PRKACA: variants seen among roughly 807,000 people sequenced by gnomAD.
PRKACA encodes protein kinase cAMP-activated catalytic subunit alpha.
In PRKACA, 9 loss-of-function variants were observed where a neutral mutation model predicts 45.8. That is an observed-to-expected ratio of 0.20 (90% confidence interval 0.12 to 0.34). The LOEUF (loss-of-function observed/expected upper bound fraction) is 0.34, where lower values mean the gene tolerates loss of function less well. Among genes scored for constraint, PRKACA ranks in the 10% least tolerant of loss-of-function variants. The pLI, the probability that PRKACA is intolerant of heterozygous loss-of-function variation, is 1.00. For missense variants in PRKACA, 238 were observed against 458.6 expected (o/e 0.52, Z 4.39); for synonymous variants, 160 against 178.6 (o/e 0.90, Z 0.83).
At position 14,092,983 on chromosome 19, in the gene PRKACA, G is replaced by T; in HGVS notation, c.*129C>A. 8.2e-7 allele frequency: 1 copy of T among 1,216,398 alleles called. No individual in the cohort carries two copies. Among genetic ancestry groups the T allele is most frequent in the East Asian group, 2.6e-5 (1 of 39,060 alleles). 75.4% of individuals were successfully genotyped at this position (1,216,398 alleles called of 1,614,324 possible). ...TTCCTGCTCCCCCTAACCCTGGAGG[G>T]TGGGGTGGGGGTGAAATTAGATGCA... On this transcript the variant is annotated 3_prime_UTR_variant, in exon 10 of 10. Transcript: ENST00000308677.
chr19:14,093,820 G>A (rs1178559196), intron 8 of PRKACA, 28 bp from the exon 9 acceptor site: 1 of 1,594,156 alleles, frequency 6.3e-7, no homozygotes, highest in South Asian at 1.1e-5. Context: ...AGGACAGGGT[G>A]GGAAGCTGGT....
chr19:14,100,861 C>T lies in PRKACA; in HGVS notation c.384G>A (p.Glu128=). 2.5e-6 allele frequency: 4 copies of T among 1,614,158 alleles called. No individual in the cohort carries two copies. The South Asian group carries it at 4.4e-5, about 18-fold the overall frequency. Reference sequence around the variant, plus strand: ...CGATCCGCCGTAGGTGTGAGAACATCTCCCCGCCGGGCACGTACTCCATGA... The same window carrying T: ...CGATCCGCCGTAGGTGTGAGAACATTTCCCCGCCGGGCACGTACTCCATGA... ...YMVMEYVPGG[E]MFSHLRRIGR... The change falls in exon 5 of 10, where the codon GAG becomes GAA. Residue 128 remains glutamate, a synonymous_variant. Coordinates refer to ENST00000308677, the MANE Select transcript of PRKACA (RefSeq NM_002730.4).
intron 3 of PRKACA, among the ~76,000 whole-genome samples, chr19:14,103,805 C>A (rs1486116337): frequency 6.6e-6 from 1 of 152,216 alleles, no homozygotes; most frequent in Non-Finnish European, 1.5e-5. Context: ...GTGGCTCACG[C>A]CCGTAATCCC....
rs1977285950 is a variant in PRKACA at position 14,097,239 on chromosome 19, T to G, written c.765+122A>C. Reference sequence around the variant, plus strand: ...GGCCGGCGCGTCCAGCTTCACCACCTGGCCTGACTTAAGGAACTTCTAGAT... The same window carrying G: ...GGCCGGCGCGTCCAGCTTCACCACCGGGCCTGACTTAAGGAACTTCTAGAT... On this transcript the variant is annotated intron_variant, in intron 8 of 9. Coordinates refer to ENST00000308677, the MANE Select transcript of PRKACA (RefSeq NM_002730.4). The surrounding 1 kb of genome is among the most constrained non-coding windows in gnomAD (Gnocchi z 5.4). The G allele has an allele frequency of 1.3e-6, 2 of 1,502,066 alleles. No individual in the cohort carries two copies. Among genetic ancestry groups the G allele is most frequent in the South Asian group, 2.3e-5 (2 of 86,488 alleles). 93.0% of individuals were successfully genotyped at this position (1,502,066 alleles called of 1,614,324 possible).
intron 5 of PRKACA, chr19:14,098,237 C>A (rs865785638): frequency 3.1e-4 from 61 of 196,998 alleles, no homozygotes; most frequent in Non-Finnish European, 5.8e-4. Context: ...TATATCATGT[C>A]CACGCCCAGA....
At chr19:14,113,649 C>G (rs1323659865) in intron 1 of PRKACA, among the ~76,000 whole-genome samples, 3 of 152,198 alleles carry the variant, frequency 2.0e-5, no homozygotes, top group African/African-American at 7.2e-5. Flanking sequence ...CTTTTGAAAT[C>G]TGGCTGTCCT....
chr19:14,102,963 G>C, intron 3 of PRKACA, 49 bp from the exon 4 acceptor site: 13 of 1,384,906 alleles, frequency 9.4e-6, no homozygotes, highest in Non-Finnish European at 1.2e-5. Context: ...GGTGAGAGGG[G>C]CCTCATTTCC....
At chr19:14,102,141 GC>G (rs1977460392) in intron 4 of PRKACA, among the ~76,000 whole-genome samples, 2 of 152,310 alleles carry the variant, frequency 1.3e-5, no homozygotes, top group South Asian at 4.1e-4. Context: ...TCCAGCCTGA[GC>G]AACAGAGTGA....
rs867359932 is a variant in PRKACA at position 14,117,616 on chromosome 19, C to T, written c.-69G>A. 4.1e-5 allele frequency: 38 copies of T among 927,696 alleles called. No individual in the cohort carries two copies. In the African/African-American group the frequency reaches 5.6e-4, roughly 14 times the overall value. 57.5% of individuals were successfully genotyped at this position (927,696 alleles called of 1,614,324 possible). ...CGGGTGCTGGCTGCGGCCGGCGGCC[C>T]CGGAGCGCGCTGGGCGGCGGCGGCG... On this transcript the variant is annotated 5_prime_UTR_variant, in exon 1 of 10. Coordinates refer to ENST00000308677, the MANE Select transcript of PRKACA (RefSeq NM_002730.4).
rs1336064683 is a variant in PRKACA, at chr19:14,093,081, AAAG to A, written c.*28_*30del. 2.0e-6 allele frequency: 3 copies of A among 1,492,572 alleles called. No individual in the cohort carries two copies. The highest frequency in any genetic ancestry group is 2.4e-5 in the East Asian group (1 of 42,548). The allele number at this position is 1,492,572 out of a possible 1,614,324, so 92.5% of individuals were successfully genotyped here. ...CCGACCAAAAAAAAGAAAAAAGAAA[AAAG>A]AAAACCCATGGGGGCACAGGCATGC... On this transcript the variant is annotated 3_prime_UTR_variant, in exon 10 of 10. Coordinates refer to ENST00000308677, the MANE Select transcript of PRKACA (RefSeq NM_002730.4).
chr19:14,105,149 T>C (rs749272592), intron 3 of PRKACA, among the ~76,000 whole-genome samples: 28 of 152,328 alleles, frequency 1.8e-4, no homozygotes, highest in Non-Finnish European at 2.2e-4. Flanking sequence ...GTAAAATGTT[T>C]CATTAATGAT....
chr19:14,097,749 C>T lies in PRKACA; in HGVS notation c.546+15G>A, dbSNP rs749939459. ...GGCTTCCCCAGGGCTGCCCCTCGCC[C>T]GGCCTGGTGGGCACCTGAATGTAGC... On this transcript the variant is annotated intron_variant, in intron 6 of 9. Coordinates refer to ENST00000308677, the MANE Select transcript of PRKACA (RefSeq NM_002730.4). This position sits in a 1 kb window ranked among gnomAD's most constrained non-coding sequence, Gnocchi z 5.4. The T allele has an allele frequency of 2.2e-5, 36 of 1,613,986 alleles. No homozygotes were observed. The South Asian group carries it at 2.3e-4, about 10-fold the overall frequency.
intron 3 of PRKACA, among the ~76,000 whole-genome samples, chr19:14,104,832 C>T (rs758232288): frequency 2.6e-5 from 4 of 152,062 alleles, no homozygotes; most frequent in Non-Finnish European, 4.4e-5. Flanking sequence ...GAGATCATGC[C>T]ATTGCACTCC....
intron 1 of PRKACA, chr19:14,114,334 G>T: frequency 2.7e-6 from 2 of 753,806 alleles, no homozygotes; most frequent in Non-Finnish European, 4.4e-6. Context: ...AGGAGGGACA[G>T]ATAGGGCCCT....
At chr19:14,094,988 C>G (rs1977202216) in intron 8 of PRKACA, among the ~76,000 whole-genome samples, 2 of 152,178 alleles carry the variant, frequency 1.3e-5, no homozygotes, top group Admixed American at 1.3e-4. Flanking sequence ...CCTCTCTGGG[C>G]CTGCGCATGC....
intron 3 of PRKACA, 46 bp from the exon 4 acceptor site, chr19:14,102,960 G>A: frequency 2.1e-6 from 3 of 1,444,020 alleles, no homozygotes; most frequent in South Asian, 1.1e-5. Flanking sequence ...GGAGGTGAGA[G>A]GGGCCTCATT....
chr19:14,109,965 AATATATATATATAT>A (rs1188333013), intron 1 of PRKACA, among the ~76,000 whole-genome samples: 7 of 23,742 alleles, frequency 2.9e-4, no homozygotes, highest in Non-Finnish European at 5.2e-4. Flanking sequence ...AAAAAAAAAA[AATATATATATATAT>A]ATATATATAT....
chr19:14,112,018 C>T (rs1448853221), intron 1 of PRKACA, among the ~76,000 whole-genome samples: 1 of 152,198 alleles, frequency 6.6e-6, no homozygotes, highest in African/African-American at 2.4e-5. Context: ...CCCACAGAGT[C>T]GCTCCACAGG....
chr19:14,101,457 T>G (rs79959523), intron 4 of PRKACA, among the ~76,000 whole-genome samples: 4,818 of 152,238 alleles, frequency 0.032, 234 homozygotes, highest in African/African-American at 0.1. Context: ...AGTCTCATAC[T>G]CAGGAGACTG....
Sources: gnomAD v4.1 joint callset for allele counts (sites outside exome capture counted in the v4.1 genomes callset) on GRCh38, gnomAD v4.1.1 for gene constraint, Gnocchi (gnomAD v3.1) non-coding constraint, MANE v1.5 for transcripts, NCBI Gene and HGNC (gene_info 2026-07-23, HGNC 2026-07-21) for gene names.